The following FAM107A variants were observed in gnomAD, a reference collection of about 807,000 sequenced individuals.
The protein encoded by FAM107A is actin-associated protein FAM107A.
A neutral mutation model predicts 13.7 loss-of-function variants in FAM107A; 19 were observed. The ratio of observed to expected loss-of-function variants is 1.38; its 90% confidence interval spans 0.97 to 2.03. The LOEUF is 2.03. FAM107A is among the 30% of genes most tolerant of loss of function. The pLI is 0.00. For synonymous variants in FAM107A, 82 were observed against 74.5 expected, an observed-to-expected ratio of 1.10 and a Z score of -0.52; for missense variants, 203 against 184.4, an observed-to-expected ratio of 1.10 and a Z score of -0.58.
At chr3:58,611,176 T>C (rs1215914169) in intron 1 of FAM107A, among the ~76,000 whole-genome samples, 1 of 152,220 alleles carries the variant, frequency 6.6e-6, no homozygotes, top group African/African-American at 2.4e-5. Context: ...TGTGAGTCAA[T>C]TAAACCTCTT....
At chr3:58,624,521 C>G (rs2065991072) in intron 1 of FAM107A, among the ~76,000 whole-genome samples, 1 of 152,134 alleles carries the variant, frequency 6.6e-6, no homozygotes, top group Non-Finnish European at 1.5e-5. Context: ...CCTGGGGGGC[C>G]ATTACAATGA....
rs1318742386 is a variant in FAM107A at position 58,604,880 on chromosome 3, G to A, written c.-69-15611C>T. ...CAATTTTGATTGTATACTGGAGGTT[G>A]TGTGTGTGTGATGTGTTGTGGAGAC... On this transcript the variant is annotated intron_variant, in intron 1 of 3. Coordinates refer to the FAM107A transcript ENST00000465970. This position sits in a 1 kb window ranked among gnomAD's most constrained non-coding sequence, Gnocchi z 4.1. Among the ~76,000 whole-genome samples the A allele has an allele frequency of 1.3e-5, 2 of 152,108 alleles. No homozygotes were observed. The highest frequency in any genetic ancestry group is 2.9e-5 in the Non-Finnish European group (2 of 68,012).
upstream of FAM107A, among the ~76,000 whole-genome samples, chr3:58,589,518 T>A (rs2065638526): frequency 6.6e-6 from 1 of 152,184 alleles, no homozygotes; most frequent in African/African-American, 2.4e-5. Context: ...TTATTATTTT[T>A]AAAAACAGTT....
chr3:58,626,263 C>G (rs2066015683), intron 1 of FAM107A, among the ~76,000 whole-genome samples: 1 of 152,148 alleles, frequency 6.6e-6, no homozygotes, highest in Non-Finnish European at 1.5e-5. Flanking sequence ...GTGACTGTTT[C>G]ACAAGCTCCC....
In FAM107A at chr3:58,570,056, C is replaced by T. The variant is rs141123886; in HGVS notation, c.-5-191G>A. Among the ~76,000 whole-genome samples the T allele has an allele frequency of 3.3e-3, 499 of 152,262 alleles. 1 individual carries two copies. The highest frequency in any genetic ancestry group is 0.012 in the African/African-American group (483 of 41,542). On this transcript the variant is annotated intron_variant, in intron 1 of 3. Coordinates refer to ENST00000360997, the MANE Select transcript of FAM107A (RefSeq NM_001076778.3). ...TTATAAAATGGAAATCATAACGGAA[C>T]GCATGCACAGGGCTGTCAGAATTGG... is the stretch of plus-strand genomic sequence containing the variant.
chr3:58,608,739 G>A (rs2065823619), intron 1 of FAM107A: 1 of 152,312 alleles, frequency 6.6e-6, no homozygotes, highest in Non-Finnish European at 1.5e-5. Flanking sequence ...ATGAGGCAAA[G>A]GCAAGGAAAT....
rs984772579 is a variant in FAM107A at position 58,621,531 on chromosome 3, G to A, written c.-70+5885C>T. Among the ~76,000 whole-genome samples, 3 of 152,198 alleles carry A rather than the reference G, an allele frequency of 2.0e-5. No individual in the cohort carries two copies. In the East Asian group the frequency reaches 5.8e-4, roughly 29 times the overall value. On this transcript the variant is annotated intron_variant, in intron 1 of 3. Transcript: ENST00000465970. ...GGGAGGGCACTGGGAATCATTTAAT[G>A]CAAACCTCTCTGTTCCCAGATGGGG...
At chr3:58,579,555 T>C (rs941729384), upstream of FAM107A, among the ~76,000 whole-genome samples, 11 of 152,136 alleles carry the variant, frequency 7.2e-5, no homozygotes, top group African/African-American at 2.7e-4. Context: ...GTCAAACCAC[T>C]CTTTGCTGAC....
intron 1 of FAM107A, among the ~76,000 whole-genome samples, chr3:58,626,145 G>T (rs1446445529): frequency 1.3e-5 from 2 of 152,146 alleles, no homozygotes; most frequent in Non-Finnish European, 2.9e-5. Flanking sequence ...GGTCGTTGTG[G>T]TTGGAGAGCA....
exon 1 of FAM107A, chr3:58,587,072 G>T: frequency 7.3e-7 from 1 of 1,362,356 alleles, no homozygotes; most frequent in Non-Finnish European, 9.4e-7. Flanking sequence ...TCAAGTTACG[G>T]CGGCGGCCGG....
chr3:58,587,470 TTA>T (rs1491018057), upstream of FAM107A, among the ~76,000 whole-genome samples: 4 of 132,884 alleles, frequency 3.0e-5, no homozygotes, highest in African/African-American at 1.2e-4. Context: ...GTTAATCAGC[TTA>T]GAGTGTGTGT....
chr3:58,611,476 C>G (rs1442265770), intron 1 of FAM107A, among the ~76,000 whole-genome samples: 6 of 152,256 alleles, frequency 3.9e-5, no homozygotes, highest in Non-Finnish European at 8.8e-5. Context: ...CAGGCAGATA[C>G]TCTTGATGTT....
chr3:58,574,954 G>A, intron 1 of FAM107A, among the ~76,000 whole-genome samples: 1 of 152,076 alleles, frequency 6.6e-6, no homozygotes, highest in East Asian at 1.9e-4. Flanking sequence ...ACCAAACACT[G>A]GTGCCTGCAG....
upstream of FAM107A, among the ~76,000 whole-genome samples, chr3:58,590,096 A>G (rs1011235806): frequency 6.6e-6 from 1 of 152,164 alleles, no homozygotes; most frequent in Non-Finnish European, 1.5e-5. Context: ...TATATTTTCA[A>G]TCTTGACTGT....
chr3:58,597,098 G>A (rs1400803593), intron 1 of FAM107A, among the ~76,000 whole-genome samples: 1 of 152,160 alleles, frequency 6.6e-6, no homozygotes, highest in Non-Finnish European at 1.5e-5. Context: ...ACATTCTCCT[G>A]AGAACGAACA....
At chr3:58,620,228 A>G (rs2065939994) in intron 1 of FAM107A, among the ~76,000 whole-genome samples, 2 of 152,160 alleles carry the variant, frequency 1.3e-5, no homozygotes, top group Non-Finnish European at 2.9e-5. Flanking sequence ...GAGCTCTGTG[A>G]GTGTGATGGG....
chr3:58,625,740 C>T (rs1014422126), intron 1 of FAM107A, among the ~76,000 whole-genome samples: 7 of 152,362 alleles, frequency 4.6e-5, no homozygotes, highest in East Asian at 1.9e-4. Context: ...CCCAGCCTCT[C>T]GGAATGGCCA....
intron 1 of FAM107A, among the ~76,000 whole-genome samples, chr3:58,602,282 A>G (rs2065759446): frequency 6.6e-6 from 1 of 152,138 alleles, no homozygotes; most frequent in Admixed American, 6.5e-5. Context: ...TCTTTCACCT[A>G]TCAGATTGGC....
At position 58,607,449 on chromosome 3, in the gene FAM107A, C is replaced by A. The variant is rs189733409; in HGVS notation, c.-69-18180G>T. Among the ~76,000 whole-genome samples the A allele has an allele frequency of 1.2e-4, 19 of 152,226 alleles. No homozygotes were observed. In the East Asian group the frequency reaches 3.7e-3, roughly 29 times the overall value. ...CATGACTCTCACCCCTGTGCTGACC[C>A]TTTGGTGTGGTCCTCTACCTCTCCA... is the stretch of plus-strand genomic sequence containing the variant. On this transcript the variant is annotated intron_variant, in intron 1 of 3. Transcript: ENST00000465970.
Sources: gnomAD v4.1 joint callset for allele counts (sites outside exome capture counted in the v4.1 genomes callset) on GRCh38, gnomAD v4.1.1 for gene constraint, Gnocchi (gnomAD v3.1) non-coding constraint, MANE v1.5 for transcripts, NCBI Gene and HGNC (gene_info 2026-07-23, HGNC 2026-07-21) for gene names.